CYRIB: variants seen among roughly 807,000 people sequenced by gnomAD.
CYRIB encodes the protein CYFIP related Rac1 interactor B, also known as CYFIP-related Rac1 interactor B.
A neutral mutation model predicts 44.2 loss-of-function variants in CYRIB; 8 were observed. The observed-to-expected ratio is 0.18, with a 90% CI of 0.11 to 0.33. CYRIB has a LOEUF of 0.33. CYRIB is among the 10% of genes least tolerant of loss of function. The pLI is 1.00. For missense variants in CYRIB, 185 were observed against 382.8 expected, an observed-to-expected ratio of 0.48 and a Z score of 4.31; for synonymous variants, 131 against 127.2, an observed-to-expected ratio of 1.03 and a Z score of -0.20.
At chr8:129,992,825 C>G in intron 1 of CYRIB, among the ~76,000 whole-genome samples, 1 of 152,158 alleles carries the variant, frequency 6.6e-6, no homozygotes, top group East Asian at 1.9e-4. Flanking sequence ...ATAGTGGGAA[C>G]CATGACAAAG....
chr8:130,004,930 C>T (rs113943516), intron 1 of CYRIB, among the ~76,000 whole-genome samples: 7,972 of 152,014 alleles, frequency 0.052, 289 homozygotes, highest in Non-Finnish European at 0.077. Context: ...CCACACCTGG[C>T]TAATTTTTGT....
rs5895011 is a variant in CYRIB, at chr8:129,877,663, GGTGTGTGTGTGTGTGT to G, written c.73+1710_73+1725del. Among the ~76,000 whole-genome samples, 48 of 130,686 alleles carry G rather than the reference GGTGTGTGTGTGTGTGT, an allele frequency of 3.7e-4. No homozygotes were observed. In the South Asian group the frequency reaches 5.4e-3, roughly 15 times the overall value. 85.7% of individuals were successfully genotyped at this position (130,686 alleles called of 152,430 possible). A position where few individuals can be genotyped will look rare whatever the true frequency, so the allele number is the denominator to read the frequency against. On this transcript the variant is annotated intron_variant, in intron 3 of 11. Coordinates refer to ENST00000519824, the Ensembl canonical transcript of CYRIB. ...GACCTCATATCAAAAAAAAAAAAAA[GGTGTGTGTGTGTGTGT>G]GTGTGTGTGTGTGTGTGTATAAAAT...
At chr8:129,878,655 G>A (rs938153125) in intron 3 of CYRIB, among the ~76,000 whole-genome samples, 3 of 151,938 alleles carry the variant, frequency 2.0e-5, no homozygotes, top group African/African-American at 4.8e-5. Flanking sequence ...AAGCTAAAGC[G>A]ATATCAACAG....
chr8:129,910,684 G>C (rs1370942111), intron 1 of CYRIB, among the ~76,000 whole-genome samples: 1 of 152,092 alleles, frequency 6.6e-6, no homozygotes, highest in Admixed American at 6.6e-5. Context: ...TGTCGTCTCA[G>C]CTACATGTGT....
chr8:129,850,900 T>G, exon 9 of CYRIB: 1 of 1,608,466 alleles, frequency 6.2e-7, no homozygotes, highest in Non-Finnish European at 8.5e-7. Context: ...TATTTTCTAT[T>G]GGTAAATTTT....
chr8:129,901,028 G>A (rs1156558417), intron 2 of CYRIB, among the ~76,000 whole-genome samples: 3 of 152,284 alleles, frequency 2.0e-5, no homozygotes, highest in East Asian at 3.9e-4. Flanking sequence ...GCAGGCACTC[G>A]CCAAGGCTTA....
upstream of CYRIB, among the ~76,000 whole-genome samples, chr8:129,941,306 C>T (rs947820514): frequency 2.2e-5 from 3 of 136,308 alleles, no homozygotes; most frequent in African/African-American, 2.8e-5. Flanking sequence ...GATGGAGTCT[C>T]GCTGTCACCC....
chr8:130,016,670 C>G (rs1379707393), upstream of CYRIB: 2 of 148,836 alleles, frequency 1.3e-5, no homozygotes, highest in Non-Finnish European at 3.0e-5. Flanking sequence ...GACGCGCCTC[C>G]CCCCGCGCCC....
chr8:129,917,278 G>A (rs571096295), intron 1 of CYRIB, among the ~76,000 whole-genome samples: 26 of 152,120 alleles, frequency 1.7e-4, no homozygotes, highest in Admixed American at 1.3e-4. Context: ...TGTAAGACCT[G>A]AAAAACCTGA....
intron 1 of CYRIB, among the ~76,000 whole-genome samples, chr8:129,976,844 GT>G (rs918678888): frequency 3.3e-5 from 5 of 151,174 alleles, no homozygotes; most frequent in Admixed American, 1.3e-4. Context: ...GTTTTTTGGG[GT>G]TTTTTTTTAA....
chr8:129,935,925 A>T (rs1446339872), intron 1 of CYRIB, among the ~76,000 whole-genome samples: 1 of 152,222 alleles, frequency 6.6e-6, no homozygotes, highest in Non-Finnish European at 1.5e-5. Flanking sequence ...ATATTTAAAT[A>T]ATCAAAATTC....
chr8:129,977,079 T>G lies in CYRIB; in HGVS notation c.-295-6084A>C, dbSNP rs75983413. ...CTGGTCTGGAACACCTGACCTCAAG[T>G]GATCCACCCACCTCGGCCTCCCAAA... On this transcript the variant is annotated intron_variant, in intron 1 of 14. Coordinates refer to the CYRIB transcript ENST00000401979. Among the ~76,000 whole-genome samples the G allele has an allele frequency of 2.1e-3, 317 of 152,304 alleles. 12 individuals are homozygous for G. The East Asian group carries it at 0.053, about 26-fold the overall frequency.
chr8:129,859,156 G>A (rs1217289616), intron 5 of CYRIB, among the ~76,000 whole-genome samples: 1 of 152,188 alleles, frequency 6.6e-6, no homozygotes, highest in Non-Finnish European at 1.5e-5. Flanking sequence ...GGCCACATGG[G>A]TCACATGTCC....
At chr8:129,875,432 A>G (rs2058782835) in intron 3 of CYRIB, among the ~76,000 whole-genome samples, 2 of 152,088 alleles carry the variant, frequency 1.3e-5, no homozygotes, top group Admixed American at 1.3e-4. Flanking sequence ...ACTGGTCTCA[A>G]ATTCCTTGAA....
At chr8:129,953,481 C>G (rs897401167) in intron 2 of CYRIB, among the ~76,000 whole-genome samples, 3 of 152,166 alleles carry the variant, frequency 2.0e-5, no homozygotes, top group Admixed American at 1.3e-4. Flanking sequence ...CAGGTCAGAT[C>G]CCCTGTGCAC....
intron 9 of CYRIB, chr8:129,850,344 GA>G (rs527339336): frequency 2.8e-5 from 4 of 144,938 alleles, no homozygotes; most frequent in Non-Finnish European, 4.4e-5. Context: ...AGAGAGGAGA[GA>G]AAAAAAAACA....
At chr8:129,850,958 G>T in intron 8 of CYRIB, 44 bp from the exon 11 acceptor site, 2 of 1,230,768 alleles carry the variant, frequency 1.6e-6, no homozygotes, top group Non-Finnish European at 1.2e-6. Context: ...AGTAACAAAC[G>T]TTATTACTTA....
intron 2 of CYRIB, among the ~76,000 whole-genome samples, chr8:129,960,240 CAG>C: frequency 6.6e-6 from 1 of 152,298 alleles, no homozygotes; most frequent in South Asian, 2.1e-4. Context: ...CAGGGCCAAA[CAG>C]AGTTTCTGTA....
At position 129,997,231 on chromosome 8, in the gene CYRIB, C is replaced by T. The variant is rs192681244; in HGVS notation, c.-296+19139G>A. 1.3e-4 allele frequency among the ~76,000 whole-genome samples: 20 copies of T among 152,192 alleles called. No individual in the cohort carries two copies. The East Asian group carries it at 3.1e-3, about 24-fold the overall frequency. Reference sequence around the variant, plus strand: ...ACATGGTCTATTGGGGGCGAGGAGACACCACACAATCCTTCACCCCAAGAC... The same window carrying T: ...ACATGGTCTATTGGGGGCGAGGAGATACCACACAATCCTTCACCCCAAGAC... On this transcript the variant is annotated intron_variant, in intron 1 of 14. Coordinates refer to the CYRIB transcript ENST00000401979.
Sources: gnomAD v4.1 joint callset for allele counts (sites outside exome capture counted in the v4.1 genomes callset) on GRCh38, gnomAD v4.1.1 for gene constraint, MANE v1.5 for transcripts, NCBI Gene and HGNC (gene_info 2026-07-23, HGNC 2026-07-21) for gene names.